The following BCO1 variants were observed in gnomAD, a reference collection of about 807,000 sequenced individuals.
The protein encoded by BCO1 is beta,beta-carotene 15,15'-dioxygenase.
BCO1 carries 54 observed loss-of-function variants against 56.3 expected under a neutral mutation model. The observed-to-expected ratio is 0.96, with a 90% CI of 0.77 to 1.20. The LOEUF (loss-of-function observed/expected upper bound fraction) is 1.20, where lower values mean the gene tolerates loss of function less well. Among genes scored for constraint, BCO1 ranks in the 50% most tolerant of loss-of-function variants. The pLI is 0.00. For synonymous variants in BCO1, 318 were observed against 266.1 expected, an observed-to-expected ratio of 1.20 and a Z score of -1.90; for missense variants, 801 against 690.9, an observed-to-expected ratio of 1.16 and a Z score of -1.79.
intron 6 of BCO1, among the ~76,000 whole-genome samples, chr16:81,268,690 C>A (rs1180821934): frequency 4.6e-5 from 7 of 152,218 alleles, no homozygotes; most frequent in African/African-American, 1.7e-4. Context: ...TGTATATGTG[C>A]ATGTATGTGC....
chr16:81,286,053 TA>T (rs35518582), intron 9 of BCO1, among the ~76,000 whole-genome samples: 42,891 of 150,098 alleles, frequency 0.29, 7,030 homozygotes, highest in African/African-American at 0.46. Context: ...CCTTTTTATT[TA>T]AAAAAAAAAT....
At chr16:81,246,860 AAAAAAAAAG>A (rs1905454004) in intron 2 of BCO1, among the ~76,000 whole-genome samples, 1 of 151,080 alleles carries the variant, frequency 6.6e-6, no homozygotes, top group South Asian at 2.1e-4. Flanking sequence ...CAAAAAAAAA[AAAAAAAAAG>A]AAGAGTACAG....
At chr16:81,270,114 G>T in intron 6 of BCO1, 45 bp from the exon 7 acceptor site, 1 of 1,612,678 alleles carries the variant, frequency 6.2e-7, no homozygotes, top group Non-Finnish European at 8.5e-7. Flanking sequence ...ACAGTGCCAG[G>T]CTGAGAGAGG....
chr16:81,240,038 A>T (rs1352572108), intron 1 of BCO1, among the ~76,000 whole-genome samples: 1 of 152,062 alleles, frequency 6.6e-6, no homozygotes, highest in Non-Finnish European at 1.5e-5. Flanking sequence ...TTTTCAACTG[A>T]GCAATTGCCT....
In BCO1 at chr16:81,248,405, C is replaced by CAAAAAAAAAAAAAAAAAA. The variant is rs372084002; in HGVS notation, c.193+2806_193+2823dup. Among the ~76,000 whole-genome samples, 56 of 102,786 alleles carry CAAAAAAAAAAAAAAAAAA rather than the reference C, an allele frequency of 5.4e-4. 2 individuals are homozygous for CAAAAAAAAAAAAAAAAAA. Among genetic ancestry groups the CAAAAAAAAAAAAAAAAAA allele is most frequent in the African/African-American group, 2.2e-3 (53 of 23,664 alleles). The allele number at this position is 102,786 out of a possible 152,430, so 67.4% of individuals were successfully genotyped here. On this transcript the variant is annotated intron_variant, in intron 2 of 10. Transcript: ENST00000258168. ...GCAACAAGAGCGAGGCTCCCTCTCA[C>CAAAAAAAAAAAAAAAAAA]AAAAAAAAAAAAAAAAAAAAATTAT...
intron 7 of BCO1, among the ~76,000 whole-genome samples, chr16:81,272,292 T>C (rs2150627575): frequency 6.6e-6 from 1 of 150,904 alleles, no homozygotes; most frequent in South Asian, 2.1e-4. Flanking sequence ...TTTTTTTTTG[T>C]ATTTTTTAGT....
chr16:81,272,566 G>A lies in BCO1; in HGVS notation c.1101+2150G>A, dbSNP rs141570509. Among the ~76,000 whole-genome samples the A allele has an allele frequency of 2.0e-3, 300 of 152,218 alleles. 1 individual carries two copies. The highest frequency in any genetic ancestry group is 7.0e-3 in the African/African-American group (292 of 41,538). On this transcript the variant is annotated intron_variant, in intron 7 of 10. Transcript: ENST00000258168. ...ACAATTCTCTGATGTTGGAAGTTCCGTTCTTGCACTAAGAATGACCACCAG... is the reference window on the plus strand; with the variant it reads ...ACAATTCTCTGATGTTGGAAGTTCCATTCTTGCACTAAGAATGACCACCAG...
chr16:81,248,640 T>A (rs963499591), intron 2 of BCO1, among the ~76,000 whole-genome samples: 4 of 152,104 alleles, frequency 2.6e-5, no homozygotes, highest in African/African-American at 9.7e-5. Flanking sequence ...TCTTAATGAT[T>A]CCTTTCTTTT....
Position 81,242,118 on chromosome 16 carries a change from C to G in BCO1, c.64+3146C>G, listed in dbSNP as rs536220298. Among the ~76,000 whole-genome samples the G allele has an allele frequency of 2.0e-5, 3 of 151,986 alleles. No homozygotes were observed. In the South Asian group the frequency reaches 6.3e-4, roughly 32 times the overall value. On this transcript the variant is annotated intron_variant, in intron 1 of 10. Coordinates refer to ENST00000258168, the MANE Select transcript of BCO1 (RefSeq NM_017429.3). ...CTCCCTGCTCTTTCTCAAGCCTGCC[C>G]CCTCTCCTGTGCCCTGGGTGCCTGT...
chr16:81,240,423 C>T (rs759982081), intron 1 of BCO1, among the ~76,000 whole-genome samples: 2 of 151,962 alleles, frequency 1.3e-5, no homozygotes, highest in Non-Finnish European at 2.9e-5. Flanking sequence ...AGACACCCCA[C>T]GGCCAGGTGC....
intron 7 of BCO1, among the ~76,000 whole-genome samples, chr16:81,274,248 G>C (rs1314215717): frequency 6.8e-6 from 1 of 147,302 alleles, no homozygotes; most frequent in African/African-American, 2.5e-5. Flanking sequence ...AAGAATGTTA[G>C]CTTGTGTATC....
chr16:81,261,187 C>G (rs1317814080), intron 3 of BCO1, among the ~76,000 whole-genome samples: 4 of 152,142 alleles, frequency 2.6e-5, no homozygotes, highest in Non-Finnish European at 4.4e-5. Flanking sequence ...GAATTTGAAA[C>G]CACGACCTGG....
intron 7 of BCO1, among the ~76,000 whole-genome samples, chr16:81,277,420 C>T (rs118006829): frequency 0.016 from 2,492 of 152,266 alleles, 31 homozygotes; most frequent in Admixed American, 0.023. Flanking sequence ...CTGGAATGTA[C>T]GCCTGTCTGC....
At chr16:81,268,710 T>G (rs960081616) in intron 6 of BCO1, among the ~76,000 whole-genome samples, 3 of 152,346 alleles carry the variant, frequency 2.0e-5, no homozygotes, top group Admixed American at 6.5e-5. Flanking sequence ...CATATGTGTA[T>G]GAATACATGT....
At position 81,287,392 on chromosome 16, in the gene BCO1, A is replaced by G. The variant is rs1052615604; in HGVS notation, c.1400A>G (p.Lys467Arg). 1 of 1,613,674 alleles carries G rather than the reference A, an allele frequency of 6.2e-7. No homozygotes were observed. Among genetic ancestry groups the G allele is most frequent in the African/African-American group, 1.3e-5 (1 of 74,910 alleles). The change falls in exon 10 of 11, where the codon AAG becomes AGG. Residue 467 changes from lysine to arginine, a missense_variant. By Grantham distance (26) the Lys-to-Arg change is conservative. Transcript: ENST00000258168. ...EPLFVPAPGA[K>R]DEDDGVILSA... ...CTGTTTGTGCCCGCGCCAGGTGCCA[A>G]GGATGAGGATGACGGTAAGACTCTA...
intron 7 of BCO1, among the ~76,000 whole-genome samples, chr16:81,272,338 T>C (rs1355225131): frequency 6.6e-6 from 1 of 151,242 alleles, no homozygotes; most frequent in Non-Finnish European, 1.5e-5. Context: ...CAGGATGGTC[T>C]CAACCTCCTG....
chr16:81,262,435 T>A (rs1906547655), intron 4 of BCO1, 152 bp downstream of exon 4: 2 of 763,034 alleles, frequency 2.6e-6, no homozygotes, highest in Admixed American at 2.0e-5. Flanking sequence ...CCACACTTAC[T>A]GCTAGATGCT....
At chr16:81,276,516 C>A (rs1446689389) in intron 7 of BCO1, among the ~76,000 whole-genome samples, 3 of 152,218 alleles carry the variant, frequency 2.0e-5, no homozygotes, top group Non-Finnish European at 4.4e-5. Context: ...GCTAGGGCAT[C>A]CACGCAGTGA....
chr16:81,275,353 G>A (rs1597370099), intron 7 of BCO1, among the ~76,000 whole-genome samples: 1 of 152,226 alleles, frequency 6.6e-6, no homozygotes, highest in Admixed American at 6.5e-5. Context: ...CCAGACCGGG[G>A]AAGCCCAGGC....
Sources: allele counts gnomAD v4.1 joint callset (sites outside exome capture counted in the v4.1 genomes callset), GRCh38; gene constraint gnomAD v4.1.1; transcripts MANE v1.5; gene names NCBI Gene and HGNC (gene_info 2026-07-23, HGNC 2026-07-21).